GCNT4: variants seen among roughly 807,000 people sequenced by gnomAD.
GCNT4 encodes glucosaminyl (N-acetyl) transferase 4.
Under a neutral mutation model 31.3 loss-of-function variants are expected in GCNT4, and 17 were observed. The ratio of observed to expected loss-of-function variants is 0.54; its 90% CI spans 0.37 to 0.81. The LOEUF is 0.81. Among genes scored for constraint, GCNT4 ranks in the 40% least tolerant of loss-of-function variants. The probability of loss-of-function intolerance (pLI) is 0.00; values close to 1 mark genes in which losing one functional copy is unlikely to be tolerated. For missense variants in GCNT4, 503 were observed against 525.5 expected, an observed-to-expected ratio of 0.96 and a Z score of 0.42; for synonymous variants, 158 against 190.6, an observed-to-expected ratio of 0.83 and a Z score of 1.41.
chr5:75,032,872 G>GGTGTGTGTGTGTGTGTGT (rs60551634), intron 3 of GCNT4, among the ~76,000 whole-genome samples: 26 of 130,756 alleles, frequency 2.0e-4, no homozygotes, highest in East Asian at 7.7e-4. Flanking sequence ...CCCAAATAGG[G>GGTGTGTGTGTGTGTGTGT]GTGTGTGTGT....
chr5:75,043,396 C>T (rs1743362833), intron 3 of GCNT4, among the ~76,000 whole-genome samples: 1 of 152,184 alleles, frequency 6.6e-6, no homozygotes, highest in Non-Finnish European at 1.5e-5. Context: ...ACTAAGAGAA[C>T]CCTATATTGT....
At chr5:75,020,286 T>TGGCAC in the GCNT4 span, among the ~76,000 whole-genome samples, 1 of 152,328 alleles carries the variant, frequency 6.6e-6, no homozygotes, top group African/African-American at 2.4e-5. Flanking sequence ...CGGCACGGCA[T>TGGCAC]GGCACGGCAC....
chr5:75,049,065 C>T (rs1326343015), intron 2 of GCNT4, among the ~76,000 whole-genome samples: 4 of 152,172 alleles, frequency 2.6e-5, no homozygotes, highest in Non-Finnish European at 4.4e-5. Context: ...CACTAAGACC[C>T]GATGGCCTGT....
the GCNT4 span, chr5:75,017,616 T>C: frequency 6.6e-6 from 1 of 152,194 alleles, no homozygotes; most frequent in Non-Finnish European, 1.5e-5. Flanking sequence ...AGGGGGTGGA[T>C]TTGTAGGGAC....
chr5:75,048,434 A>G (rs1465221230), intron 2 of GCNT4, among the ~76,000 whole-genome samples: 1 of 152,176 alleles, frequency 6.6e-6, no homozygotes, highest in East Asian at 1.9e-4. Flanking sequence ...GTTCGTGGAG[A>G]AACGTGGTTT....
chr5:75,039,141 A>G (rs1421665982), intron 3 of GCNT4, among the ~76,000 whole-genome samples: 1 of 151,892 alleles, frequency 6.6e-6, no homozygotes, highest in Non-Finnish European at 1.5e-5. Flanking sequence ...CTGGAGTGCA[A>G]TGGCACAATC....
At chr5:75,036,768 G>A (rs1403141313) in intron 3 of GCNT4, among the ~76,000 whole-genome samples, 1 of 152,182 alleles carries the variant, frequency 6.6e-6, no homozygotes, top group Non-Finnish European at 1.5e-5. Flanking sequence ...CCAGCCCGTA[G>A]AATCAATTCA....
At chr5:75,024,950 CAAAAAAAAAAA>C (rs1239662355), downstream of GCNT4, among the ~76,000 whole-genome samples, 5 of 40,532 alleles carry the variant, frequency 1.2e-4, no homozygotes, top group African/African-American at 2.7e-4. Context: ...GACTCCATCT[CAAAAAAAAAAA>C]AAAAAAAAAA....
intron 3 of GCNT4, among the ~76,000 whole-genome samples, chr5:75,042,900 A>G (rs186444726): frequency 6.6e-6 from 1 of 152,242 alleles, no homozygotes; most frequent in Admixed American, 6.5e-5. Flanking sequence ...TAAAATTAAG[A>G]CTCAGGAATT....
intron 3 of GCNT4, among the ~76,000 whole-genome samples, chr5:75,041,778 C>G (rs531683297): frequency 2.0e-5 from 3 of 152,304 alleles, no homozygotes; most frequent in South Asian, 4.1e-4. Flanking sequence ...TTTATTTCAT[C>G]TGGTCCACAG....
chr5:75,023,523 C>CA (rs529493022), downstream of GCNT4, among the ~76,000 whole-genome samples: 10,252 of 143,942 alleles, frequency 0.071, 328 homozygotes, highest in Middle Eastern at 0.12. Flanking sequence ...TTTATGACAG[C>CA]AAAAAAAAAA....
intron 2 of GCNT4, 129 bp from the exon 3 acceptor site, chr5:75,048,166 G>A (rs187394568): frequency 1.3e-5 from 2 of 152,146 alleles, no homozygotes; most frequent in African/African-American, 4.8e-5. Context: ...CCAAGTTTTT[G>A]AGCCTCATTA....
the GCNT4 span, among the ~76,000 whole-genome samples, chr5:75,017,103 T>C: frequency 6.6e-6 from 1 of 152,210 alleles, no homozygotes; most frequent in Non-Finnish European, 1.5e-5. Flanking sequence ...TCATCCTCAA[T>C]CCTCAGCACC....
At chr5:75,017,729 A>ACCTTCCCGTGACCG in the GCNT4 span, among the ~76,000 whole-genome samples, 3 of 151,922 alleles carry the variant, frequency 2.0e-5, no homozygotes, top group African/African-American at 7.3e-5. Context: ...TCCCGTGACC[A>ACCTTCCCGTGACCG]TGCCGCACCT....
At position 75,027,261 on chromosome 5, in the gene GCNT4, A is replaced by G. The variant is rs1318360824; in HGVS notation, c.*1415T>C. Reference sequence around the variant, plus strand: ...AGAACAATTCCATTATATATATAATATATATTCATTATATGTTATATAATA... The same window carrying G: ...AGAACAATTCCATTATATATATAATGTATATTCATTATATGTTATATAATA... On this transcript the variant is annotated 3_prime_UTR_variant, in exon 4 of 4. Coordinates refer to ENST00000652361, the MANE Select transcript of GCNT4 (RefSeq NM_001366737.1). The G allele has an allele frequency of 7.2e-6, 1 of 138,748 alleles. No homozygotes were observed. Among genetic ancestry groups the G allele is most frequent in the Non-Finnish European group, 1.5e-5 (1 of 66,016 alleles). 8.6% of individuals were successfully genotyped at this position (138,748 alleles called of 1,614,324 possible). A position where few individuals can be genotyped will look rare whatever the true frequency, so the allele number is the denominator to read the frequency against.
In GCNT4 at chr5:75,029,962, G is replaced by C. The variant is rs1337715385; in HGVS notation, c.76C>G (p.Leu26Val). 6.2e-7 allele frequency: 1 copy of C among 1,614,016 alleles called. No individual in the cohort carries two copies. Among genetic ancestry groups the C allele is most frequent in the South Asian group, 1.1e-5 (1 of 91,070 alleles). ...ACATTTAGAAGCTTTAACAAAGAGA[G>C]CAGCCATAGGGTTAAAAACAGGATG... The part of the protein sequence containing the change: ...VFILFLTLWL[L>V]SLLKLLNVRR... Residue 26 changes from leucine (L) to valine (V), a missense_variant, in exon 4 of 4, where the codon CTC becomes GTC. By Grantham distance (32) the Leu-to-Val change is conservative. Coordinates refer to ENST00000652361, the MANE Select transcript of GCNT4 (RefSeq NM_001366737.1).
intron 3 of GCNT4, chr5:75,030,379 C>T: frequency 4.5e-6 from 1 of 223,964 alleles, no homozygotes; most frequent in Non-Finnish European, 9.6e-6. Context: ...CTGGTTTGGG[C>T]AGAGGTCTAG....
At chr5:75,021,403 A>G (rs974678428), downstream of GCNT4, among the ~76,000 whole-genome samples, 3 of 152,184 alleles carry the variant, frequency 2.0e-5, no homozygotes, top group African/African-American at 4.8e-5. Context: ...CCTTAGACCA[A>G]TTAGTGTGGC....
At chr5:75,049,326 C>A (rs1743514878) in intron 2 of GCNT4, among the ~76,000 whole-genome samples, 1 of 152,164 alleles carries the variant, frequency 6.6e-6, no homozygotes, top group Non-Finnish European at 1.5e-5. Context: ...CTGTTACGTT[C>A]AGCAGATCAA....
Sources: allele counts gnomAD v4.1 joint callset (sites outside exome capture counted in the v4.1 genomes callset), GRCh38; gene constraint gnomAD v4.1.1; transcripts MANE v1.5; gene names NCBI Gene and HGNC (gene_info 2026-07-23, HGNC 2026-07-21).